Variants in GNE observed in about 807,000 individuals in gnomAD.
GNE encodes glucosamine (UDP-N-acetyl)-2-epimerase/N-acetylmannosamine kinase.
A neutral mutation model predicts 61.8 loss-of-function variants in GNE; 41 were observed. The ratio of observed to expected loss-of-function variants is 0.66; its 90% CI spans 0.52 to 0.86. GNE has a LOEUF of 0.86. Among genes scored for constraint, GNE ranks in the 40% least tolerant of loss-of-function variants. The pLI, the probability that GNE is intolerant of heterozygous loss-of-function variation, is 0.00. For synonymous variants in GNE, 264 were observed against 326.4 expected, an observed-to-expected ratio of 0.81 and a Z score of 2.06; for missense variants, 608 against 909.1, an observed-to-expected ratio of 0.67 and a Z score of 4.26.
intron 1 of GNE, among the ~76,000 whole-genome samples, chr9:36,274,068 C>CTGTGTGTGTGTGTGTGTGTGTG (rs71336439): frequency 3.5e-5 from 5 of 142,222 alleles, no homozygotes; most frequent in Admixed American, 1.4e-4. Flanking sequence ...GTCTATGGTA[C>CTGTGTGTGTGTGTGTGTGTGTG]TGTGTGTGTG....
In GNE at chr9:36,246,139, A is replaced by T; in HGVS notation, c.508T>A (p.Ser170Thr). 6.2e-7 allele frequency: 1 copy of T among 1,614,186 alleles called. No individual in the cohort carries two copies. The part of the protein sequence containing the change: ...CTRSAEQHLI[S>T]MCEDHDRILL... ...ATGCGATCATGGTCCTCACACATGG[A>T]TATCAGGTGCTGCTCTGCACTGCGG... Residue 170 changes from serine (S) to threonine (T), a missense_variant, in exon 3 of 12, where the codon TCC (serine) becomes ACC (threonine). By Grantham distance (58) the Ser-to-Thr change is moderately conservative. Transcript: ENST00000642385.
At chr9:36,270,180 A>G (rs1048255449) in intron 1 of GNE, among the ~76,000 whole-genome samples, 1 of 152,000 alleles carries the variant, frequency 6.6e-6, no homozygotes, top group Non-Finnish European at 1.5e-5. Flanking sequence ...CCAGGCTGGT[A>G]TCGAACTCCT....
chr9:36,254,289 G>A (rs1460912080), intron 1 of GNE, among the ~76,000 whole-genome samples: 1 of 152,102 alleles, frequency 6.6e-6, no homozygotes, highest in Non-Finnish European at 1.5e-5. Context: ...CACTTTGGGA[G>A]GCTGAGGCAA....
At chr9:36,232,268 A>G (rs1829190391) in intron 5 of GNE, among the ~76,000 whole-genome samples, 1 of 151,940 alleles carries the variant, frequency 6.6e-6, no homozygotes, top group Non-Finnish European at 1.5e-5. Context: ...CAAAGCCACT[A>G]TCATCTCTCA....
chr9:36,253,374 CAA>C (rs1182917992), intron 1 of GNE, among the ~76,000 whole-genome samples: 1 of 151,072 alleles, frequency 6.6e-6, no homozygotes. Context: ...CTCCCCAGTT[CAA>C]GAGATTCTTG....
intron 1 of GNE, among the ~76,000 whole-genome samples, chr9:36,249,871 G>A (rs1182690288): frequency 6.0e-5 from 9 of 150,116 alleles, no homozygotes; most frequent in Admixed American, 5.3e-4. Flanking sequence ...GTGACAGAGC[G>A]AGACTCCATC....
chr9:36,233,887 C>G (rs914219841), intron 5 of GNE, 33 bp downstream of exon 5: 1 of 1,485,366 alleles, frequency 6.7e-7, no homozygotes, highest in East Asian at 2.3e-5. Context: ...TGTATAAAGC[C>G]TAGTCAGTTG....
chr9:36,220,439 G>A (rs623166), intron 9 of GNE, among the ~76,000 whole-genome samples: 125,172 of 152,198 alleles, frequency 0.82, 51,821 homozygotes, highest in African/African-American at 0.87. Flanking sequence ...GGCAGGAGCC[G>A]GCAGATCCAC....
chr9:36,231,601 T>A (rs566920710), intron 5 of GNE, among the ~76,000 whole-genome samples: 2 of 152,362 alleles, frequency 1.3e-5, no homozygotes, highest in East Asian at 3.9e-4. Flanking sequence ...TCTCTTTTCC[T>A]TCTTCCAAAG....
intron 1 of GNE, among the ~76,000 whole-genome samples, chr9:36,274,068 CTGTGTGTGTGTGTGTGTGTGTGTG>C (rs71336439): frequency 9.8e-5 from 14 of 142,330 alleles, no homozygotes; most frequent in East Asian, 4.3e-4. Context: ...GTCTATGGTA[CTGTGTGTGTGTGTGTGTGTGTGTG>C]TGTGTGTGTG....
upstream of GNE, among the ~76,000 whole-genome samples, chr9:36,259,613 A>G (rs1419385765): frequency 6.6e-6 from 1 of 152,182 alleles, no homozygotes; most frequent in Non-Finnish European, 1.5e-5. Flanking sequence ...CACAAAAGAA[A>G]AGACATTAAG....
In GNE at chr9:36,252,971, C is replaced by T. The variant is rs1830170124; in HGVS notation, c.-42-3574G>A. Among the ~76,000 whole-genome samples the T allele has an allele frequency of 2.0e-5, 3 of 152,082 alleles. No individual in the cohort carries two copies. In the South Asian group the frequency reaches 6.2e-4, roughly 31 times the overall value. On this transcript the variant is annotated intron_variant, in intron 1 of 11. Transcript: ENST00000642385. ...GTCAGGAATTCAAGAACAGCCTGGC[C>T]AACATGGTGAAACCCCATCTCTACT...
chr9:36,228,255 G>A (rs1828984331), intron 6 of GNE, among the ~76,000 whole-genome samples: 1 of 151,632 alleles, frequency 6.6e-6, no homozygotes, highest in African/African-American at 2.4e-5. Flanking sequence ...CTAAGTGCCT[G>A]TATTTTTTTG....
rs372445601 is a variant in GNE, at chr9:36,216,327, A to ATGTATGTGTGTGTGTGTGTGTGTGTGTG, written c.*1037_*1038insCACACACACACACACACACACACATACA. On this transcript the variant is annotated 3_prime_UTR_variant, in exon 12 of 12. Coordinates refer to ENST00000642385, the MANE Select transcript of GNE (RefSeq NM_005476.7). ...TTAGTTTGGGGTTAGAGGAGGAAGG[A>ATGTATGTGTGTGTGTGTGTGTGTGTGTG]TGTGTGTGTGTGTGTGTGTGTGTGT... 3.1e-5 allele frequency: 11 copies of ATGTATGTGTGTGTGTGTGTGTGTGTGTG among 357,650 alleles called. No homozygotes were observed. Among genetic ancestry groups the ATGTATGTGTGTGTGTGTGTGTGTGTGTG allele is most frequent in the African/African-American group, 2.4e-4 (10 of 41,800 alleles). The allele number at this position is 357,650 out of a possible 1,614,324, so 22.2% of individuals were successfully genotyped here.
upstream of GNE, among the ~76,000 whole-genome samples, chr9:36,261,432 A>T (rs921732342): frequency 4.6e-5 from 7 of 151,968 alleles, no homozygotes; most frequent in Admixed American, 1.3e-4. Flanking sequence ...GCACGCCTGT[A>T]GTCCCGGCTA....
chr9:36,234,147 A>AT lies in GNE; in HGVS notation c.770-16_770-15insA. 6.3e-7 allele frequency: 1 copy of AT among 1,592,422 alleles called. No homozygotes were observed. ...CTCTTTGCTCCCTATGAAAATGAAA[A>AT]GAACCAATTGGTAAATGGTTTGTGA... On this transcript the variant is annotated splice_polypyrimidine_tract_variant and intron_variant, in intron 4 of 11. Coordinates refer to ENST00000642385, the MANE Select transcript of GNE (RefSeq NM_005476.7).
Position 36,249,228 on chromosome 9 carries a change from A to G in GNE, c.128T>C (p.Val43Ala). Residue 43 changes from valine to alanine, a missense_variant, in exon 2 of 12, where the codon GTT becomes GCT. Coordinates refer to ENST00000642385, the MANE Select transcript of GNE (RefSeq NM_005476.7). ...KTEPEFFELD[V>A]VVLGSHLIDD... is the part of the protein sequence containing the mutation. ...TATCAGGTGAGAGCCAAGTACCACA[A>G]CATCAAGTTCAAAGAACTCAGGTTC... 1 of 1,614,176 alleles carries G rather than the reference A, an allele frequency of 6.2e-7. No individual in the cohort carries two copies. The highest frequency in any genetic ancestry group is 2.2e-5 in the East Asian group (1 of 44,890).
intron 7 of GNE, among the ~76,000 whole-genome samples, chr9:36,226,992 C>T (rs1259927571): frequency 2.0e-5 from 3 of 152,128 alleles, no homozygotes; most frequent in Admixed American, 1.3e-4. Flanking sequence ...GGCAAAAGCC[C>T]GATCTGATGC....
rs1230789442 is a variant in GNE at position 36,216,109 on chromosome 9, G to A, written c.*1256C>T. ...AACAAATGGTATCCAGGATTAGGGG[G>A]GATATCTGAGATGGGGGAGTGATAG... On this transcript the variant is annotated 3_prime_UTR_variant, in exon 12 of 12. Coordinates refer to ENST00000642385, the MANE Select transcript of GNE (RefSeq NM_005476.7). The A allele has an allele frequency of 8.8e-6, 3 of 340,576 alleles. No individual in the cohort carries two copies. Among genetic ancestry groups the A allele is most frequent in the African/African-American group, 2.2e-5 (1 of 46,450 alleles). The allele number at this position is 340,576 out of a possible 1,614,324, so 21.1% of individuals were successfully genotyped here. A position where few individuals can be genotyped will look rare whatever the true frequency, so the allele number is the denominator to read the frequency against.
Sources: allele counts gnomAD v4.1 joint callset (sites outside exome capture counted in the v4.1 genomes callset), GRCh38; gene constraint gnomAD v4.1.1; transcripts MANE v1.5; gene names NCBI Gene and HGNC (gene_info 2026-07-23, HGNC 2026-07-21).